UTY: variants seen among roughly 807,000 people sequenced by gnomAD.
UTY encodes the protein ubiquitously transcribed tetratricopeptide repeat containing, Y-linked.
Under a neutral mutation model 32.5 loss-of-function variants are expected in UTY, and 12 were observed. The observed-to-expected ratio is 0.37, with a 90% confidence interval of 0.24 to 0.60. The LOEUF (loss-of-function observed/expected upper bound fraction) is 0.60. Ranked by LOEUF, UTY falls within the 20% of genes least tolerant of loss-of-function variation. The pLI, the probability that UTY is intolerant of heterozygous loss-of-function variation, is 0.69. For synonymous variants in UTY, 131 were observed against 103.4 expected (o/e 1.27, Z -1.62); for missense variants, 303 against 299.2 (o/e 1.01, Z -0.09).
At chrY:13,268,690 G>A in intron 27 of UTY, among the ~76,000 whole-genome samples, 3 of 33,443 alleles carry the variant, frequency 9.0e-5, no homozygotes, top group Non-Finnish European at 1.5e-4. Context: ...TTTGATGTTG[G>A]TCACCTTCAG....
intron 3 of UTY, among the ~76,000 whole-genome samples, chrY:13,451,446 T>C: frequency 3.0e-5 from 1 of 33,227 alleles, no homozygotes; most frequent in Admixed American, 2.7e-4. Flanking sequence ...ACAGAAAGCC[T>C]GAGGAATACC....
rs2149077902 is a variant in UTY at position 13,339,234 on chromosome Y, A to G, written c.2062-2899T>C. Among the ~76,000 whole-genome samples, 4 of 33,326 alleles carry G rather than the reference A, an allele frequency of 1.2e-4. No homozygotes were observed. In the South Asian group the frequency reaches 2.7e-3, roughly 22 times the overall value. 89.4% of individuals were successfully genotyped at this position (33,326 alleles called of 37,273 possible). On this transcript the variant is annotated intron_variant, in intron 17 of 29. Transcript: ENST00000545955. ...AACAGTTCTGGGGGCTTTGTCTGGG[A>G]TTGGAGATGGCAGATTTTCTATCTC...
At chrY:13,339,535 T>C (rs2061351866) in intron 17 of UTY, among the ~76,000 whole-genome samples, 1 of 33,612 alleles carries the variant, frequency 3.0e-5, no homozygotes, top group Non-Finnish European at 7.4e-5. Context: ...GCTGGGAACA[T>C]CAGGAGAGGC....
intron 21 of UTY, among the ~76,000 whole-genome samples, chrY:13,319,554 T>G: frequency 3.0e-5 from 1 of 33,630 alleles, no homozygotes. Flanking sequence ...CAAGGACTAT[T>G]GCAAAAGAGG....
intron 17 of UTY, among the ~76,000 whole-genome samples, chrY:13,338,477 A>C (rs573178717): frequency 1.8e-3 from 51 of 28,383 alleles, no homozygotes; most frequent in African/African-American, 6.8e-3. Context: ...CGCCACTCCA[A>C]TCCACTCCAG....
intron 8 of UTY, among the ~76,000 whole-genome samples, chrY:13,381,752 G>A: frequency 3.0e-5 from 1 of 33,431 alleles, no homozygotes; most frequent in African/African-American, 1.2e-4. Context: ...GTCCCATACA[G>A]TTATAATGGA....
At chrY:13,293,323 A>AT (rs2057857635) in intron 27 of UTY, among the ~76,000 whole-genome samples, 2 of 30,838 alleles carry the variant, frequency 6.5e-5, no homozygotes, top group African/African-American at 1.2e-4. Context: ...GGCATTCAAA[A>AT]TTTTTTTTTT....
chrY:13,244,757 C>G, downstream of UTY, among the ~76,000 whole-genome samples: 1 of 33,474 alleles, frequency 3.0e-5, no homozygotes, highest in South Asian at 6.5e-4. Context: ...GATATTAGAA[C>G]ACTGTTGTTT....
At chrY:13,248,304 C>G (rs2053977142), downstream of UTY, 2 of 33,556 alleles carry the variant, frequency 6.0e-5, no homozygotes, top group Non-Finnish European at 1.5e-4. Context: ...TTAAAGCATT[C>G]TATGATTCTT....
chrY:13,355,008 C>A lies in UTY; in HGVS notation c.2056G>T (p.Ala686Ser). 1 of 398,188 alleles carries A rather than the reference C, an allele frequency of 2.5e-6. No individual in the cohort carries two copies. The highest frequency in any genetic ancestry group is 3.5e-6 in the Non-Finnish European group (1 of 283,450). Residue 686 changes from alanine to serine, a missense_variant, in exon 17 of 30, where the codon GCT becomes TCT. Physicochemically the swap from Ala to Ser is moderately conservative, Grantham distance 99. Coordinates refer to ENST00000545955, the MANE Select transcript of UTY (RefSeq NM_001258249.2). ...GCAGCTAGTCCTTTTTTTACCTGAG[C>A]GGAGTTAGATAGCTGTTTTCTCCAT... ...EPWRKQLSNS[A>S]QGLHKSQSSC...
At chrY:13,412,034 A>G (rs2071026595) in intron 5 of UTY, among the ~76,000 whole-genome samples, 1 of 33,697 alleles carries the variant, frequency 3.0e-5, no homozygotes, top group Non-Finnish European at 7.3e-5. Flanking sequence ...ATGCTATCAT[A>G]CTGTCTTAAT....
At chrY:13,313,118 C>T (rs944698552) in intron 21 of UTY, among the ~76,000 whole-genome samples, 1 of 33,360 alleles carries the variant, frequency 3.0e-5, no homozygotes, top group Non-Finnish European at 7.4e-5. Context: ...ATCATCATTG[C>T]GCTATTCACA....
At chrY:13,459,702 G>A (rs2077200545) in intron 3 of UTY, among the ~76,000 whole-genome samples, 1 of 33,098 alleles carries the variant, frequency 3.0e-5, no homozygotes. Flanking sequence ...TGCAGTAATC[G>A]TCTGACTGAT....
Position 13,305,496 on chromosome Y carries a change from C to A in UTY, c.3468G>T (p.Val1156=). The A allele has an allele frequency of 5.1e-6, 2 of 391,517 alleles. No individual in the cohort carries two copies. The highest frequency in any genetic ancestry group is 7.1e-6 in the Non-Finnish European group (2 of 280,409). Residue 1156 remains valine, a synonymous_variant, in exon 24 of 30, where the codon GTG becomes GTT. Coordinates refer to ENST00000545955, the MANE Select transcript of UTY (RefSeq NM_001258249.2). The stretch of plus-strand genomic sequence containing the variant: ...GGGTTAGAAGATTTCCTGCTGACAC[C>A]ACACGCGCAAAAGCAGGAAGTTTAG... The part of the protein sequence containing the change: ...ELTKLPAFAR[V]VSAGNLLTHV...
At position 13,359,926 on chromosome Y, in the gene UTY, T is replaced by G. The variant is rs775700535; in HGVS notation, c.1026A>C (p.Val342=). The change falls in exon 12 of 30, where the codon GTA becomes GTC. Residue 342 remains valine, a synonymous_variant. Transcript: ENST00000545955. ...MDALQAYICA[V]QLDHGHAAAW... ...CTGCGGCATGCCCATGGTCCAATTG[T>G]ACAGCACAAATATATGCCTGTAAAG... The G allele has an allele frequency of 2.5e-6, 1 of 398,581 alleles. No homozygotes were observed. Among genetic ancestry groups the G allele is most frequent in the South Asian group, 3.0e-5 (1 of 33,746 alleles).
At chrY:13,414,377 A>G in intron 5 of UTY, among the ~76,000 whole-genome samples, 1 of 34,511 alleles carries the variant, frequency 2.9e-5, no homozygotes, top group Admixed American at 2.6e-4. Flanking sequence ...GAAGAAAAAC[A>G]GAAGGCAGGA....
chrY:13,273,261 T>C, intron 27 of UTY, among the ~76,000 whole-genome samples: 1 of 33,849 alleles, frequency 3.0e-5, no homozygotes, highest in Non-Finnish European at 7.3e-5. Flanking sequence ...TAACTGATAA[T>C]AAGGTTAGTT....
intron 27 of UTY, chrY:13,287,081 C>A: frequency 2.9e-6 from 1 of 349,833 alleles, no homozygotes; most frequent in Non-Finnish European, 4.2e-6. Flanking sequence ...AAGAGCAAGG[C>A]CCTCAGGTAT....
intron 24 of UTY, among the ~76,000 whole-genome samples, chrY:13,304,582 C>G: frequency 1.8e-4 from 6 of 32,947 alleles, no homozygotes; most frequent in Admixed American, 5.6e-4. Context: ...AGAAAATATG[C>G]TCAAAGTTTG....
Sources: allele counts gnomAD v4.1 joint callset (sites outside exome capture counted in the v4.1 genomes callset), GRCh38; gene constraint gnomAD v4.1.1; transcripts MANE v1.5; gene names NCBI Gene and HGNC (gene_info 2026-07-23, HGNC 2026-07-21).